Variants in HHIP observed in about 807,000 individuals in gnomAD.
The protein encoded by HHIP is hedgehog-interacting protein.
In HHIP, 12 loss-of-function variants were observed where a neutral mutation model predicts 74.0. That is an observed-to-expected ratio of 0.16 (90% CI 0.10 to 0.26). The LOEUF (loss-of-function observed/expected upper bound fraction) is 0.26. Among genes scored for constraint, HHIP ranks in the 10% least tolerant of loss-of-function variants. The probability of loss-of-function intolerance (pLI) is 1.00; values close to 1 mark genes in which losing one functional copy is unlikely to be tolerated. For missense variants in HHIP, 788 were observed against 845.0 expected (o/e 0.93, Z 0.84); for synonymous variants, 309 against 311.6 (o/e 0.99, Z 0.09).
intron 12 of HHIP, among the ~76,000 whole-genome samples, chr4:144,735,842 T>C (rs1423783939): frequency 6.6e-6 from 1 of 152,150 alleles, no homozygotes; most frequent in Non-Finnish European, 1.5e-5. Flanking sequence ...TAAAACCACA[T>C]ATAGAGGATA....
intron 10 of HHIP, among the ~76,000 whole-genome samples, chr4:144,715,930 T>C (rs1220599102): frequency 1.3e-5 from 2 of 152,200 alleles, no homozygotes; most frequent in African/African-American, 4.8e-5. Flanking sequence ...CAGATCTTCT[T>C]TCCAATAGAA....
At chr4:144,726,134 A>G (rs575335595) in intron 11 of HHIP, among the ~76,000 whole-genome samples, 15 of 152,330 alleles carry the variant, frequency 9.8e-5, no homozygotes, top group Middle Eastern at 6.8e-3. Flanking sequence ...AAGTATTTAA[A>G]TTAAAAACTT....
At chr4:144,656,419 C>T (rs1248277264) in intron 2 of HHIP, among the ~76,000 whole-genome samples, 4 of 152,080 alleles carry the variant, frequency 2.6e-5, no homozygotes, top group African/African-American at 4.8e-5. Flanking sequence ...TTAGATATTC[C>T]GTTTGAAAAT....
intron 8 of HHIP, 46 bp downstream of exon 8, chr4:144,712,117 T>C (rs1389563108): frequency 6.5e-7 from 1 of 1,549,136 alleles, no homozygotes; most frequent in South Asian, 1.1e-5. Context: ...TCAAGTTTTG[T>C]CTTAGTATAT....
At chr4:144,733,351 G>C (rs924052798) in intron 11 of HHIP, among the ~76,000 whole-genome samples, 1 of 152,166 alleles carries the variant, frequency 6.6e-6, no homozygotes, top group Non-Finnish European at 1.5e-5. Flanking sequence ...TTTCGACATA[G>C]AGTGGGACTT....
chr4:144,706,947 G>A, intron 5 of HHIP, 140 bp from the exon 6 acceptor site: 2 of 752,836 alleles, frequency 2.7e-6, no homozygotes, highest in South Asian at 3.8e-5. Context: ...AGCAATTTCT[G>A]TTAGCTCCAT....
chr4:144,707,935 A>C (rs1730191755), intron 6 of HHIP, among the ~76,000 whole-genome samples: 1 of 152,012 alleles, frequency 6.6e-6, no homozygotes, highest in African/African-American at 2.4e-5. Flanking sequence ...GTAGAGATGG[A>C]GTCTCGCTAT....
intron 7 of HHIP, among the ~76,000 whole-genome samples, chr4:144,711,139 G>A (rs749260013): frequency 3.2e-4 from 48 of 152,262 alleles, no homozygotes; most frequent in Admixed American, 2.2e-3. Context: ...CAGAGTCAAC[G>A]TAAAAGACCT....
intron 11 of HHIP, among the ~76,000 whole-genome samples, chr4:144,734,400 A>G (rs1731049445): frequency 6.6e-6 from 1 of 152,160 alleles, no homozygotes; most frequent in Non-Finnish European, 1.5e-5. Context: ...TAAGATATTT[A>G]TACTACTTTA....
At chr4:144,684,995 C>A (rs893083414) in intron 4 of HHIP, among the ~76,000 whole-genome samples, 9 of 152,206 alleles carry the variant, frequency 5.9e-5, no homozygotes, top group African/African-American at 2.4e-5. Context: ...ACCTTTTGCA[C>A]TATACAAGAT....
intron 11 of HHIP, among the ~76,000 whole-genome samples, chr4:144,725,944 TACAG>T (rs1259297227): frequency 2.0e-5 from 3 of 152,156 alleles, no homozygotes; most frequent in African/African-American, 7.2e-5. Context: ...GTGCTGGGAT[TACAG>T]ACATGAGCCA....
Position 144,659,693 on chromosome 4 carries a change from C to A in HHIP, c.686C>A (p.Pro229His). 1 of 1,575,734 alleles carries A rather than the reference C, an allele frequency of 6.3e-7. No homozygotes were observed. The highest frequency in any genetic ancestry group is 1.2e-5 in the South Asian group (1 of 83,888). ...GAGGTTGTGAGTGGGCTGCGGCAGC[C>A]CGTTGGTGCCCTGCATAGTGGGGAT... ...IQEVVSGLRQPVGALHSGDGS... is the reference protein window; with the variant it reads ...IQEVVSGLRQHVGALHSGDGS... The change falls in exon 4 of 13, where the codon CCC (proline) becomes CAC (histidine). Residue 229 changes from proline (P) to histidine (H), a missense_variant. Physicochemically the swap from Pro to His is moderately conservative, Grantham distance 77. Transcript: ENST00000296575.
intron 10 of HHIP, among the ~76,000 whole-genome samples, chr4:144,717,698 A>G (rs1402970802): frequency 6.6e-6 from 1 of 152,160 alleles, no homozygotes; most frequent in Non-Finnish European, 1.5e-5. Context: ...GCTAGCATCA[A>G]GAGTTAGAGT....
chr4:144,667,399 G>A (rs1728904236), intron 4 of HHIP, among the ~76,000 whole-genome samples: 1 of 152,078 alleles, frequency 6.6e-6, no homozygotes, highest in Non-Finnish European at 1.5e-5. Context: ...ATAACTTACG[G>A]GAAACTCATG....
intron 12 of HHIP, among the ~76,000 whole-genome samples, chr4:144,736,338 G>A (rs542740481): frequency 4.6e-5 from 7 of 152,096 alleles, no homozygotes; most frequent in South Asian, 4.2e-4. Context: ...TTTCCACCAC[G>A]TTGGCCAGGC....
Position 144,738,711 on chromosome 4 carries a change from T to C in HHIP, c.*754T>C. The C allele has an allele frequency of 1.3e-6, 1 of 798,596 alleles. No homozygotes were observed. The highest frequency in any genetic ancestry group is 5.7e-5 in the South Asian group (1 of 17,484). The allele number at this position is 798,596 out of a possible 1,614,324, so 49.5% of individuals were successfully genotyped here. ...ATTTATATATTTTATTTTATTTTTATAATATAGACATCACCTAGATGAAAC... is the reference window on the plus strand; with the variant it reads ...ATTTATATATTTTATTTTATTTTTACAATATAGACATCACCTAGATGAAAC... On this transcript the variant is annotated 3_prime_UTR_variant, in exon 13 of 13. Coordinates refer to ENST00000296575, the MANE Select transcript of HHIP (RefSeq NM_022475.3).
chr4:144,687,411 G>C (rs559811814), intron 4 of HHIP, among the ~76,000 whole-genome samples: 4 of 152,124 alleles, frequency 2.6e-5, no homozygotes, highest in Non-Finnish European at 4.4e-5. Flanking sequence ...CTTTGGTTTA[G>C]AGTATACATT....
intron 4 of HHIP, among the ~76,000 whole-genome samples, chr4:144,695,321 C>T (rs1260506210): frequency 1.3e-5 from 2 of 151,758 alleles, no homozygotes; most frequent in African/African-American, 4.8e-5. Flanking sequence ...TATGCATGCT[C>T]TCATACACTC....
rs199675746 is a variant in HHIP, at chr4:144,734,834, C to G, written c.1854C>G (p.Thr618=). 2.5e-6 allele frequency: 4 copies of G among 1,612,778 alleles called. No individual in the cohort carries two copies. Among genetic ancestry groups the G allele is most frequent in the Non-Finnish European group, 3.4e-6 (4 of 1,179,018 alleles). The change falls in exon 12 of 13, where the codon ACC becomes ACG. Residue 618 remains threonine (T), a synonymous_variant. Coordinates refer to ENST00000296575, the MANE Select transcript of HHIP (RefSeq NM_022475.3). ...CSRLCRNGYC[T]PTGKCCCSPG... ...GGCTCTGTCGAAACGGCTACTGCAC[C>G]CCCACGGGAAAGTGCTGCTGCAGTC...
Sources: gnomAD v4.1 joint callset for allele counts (sites outside exome capture counted in the v4.1 genomes callset) on GRCh38, gnomAD v4.1.1 for gene constraint, MANE v1.5 for transcripts, NCBI Gene and HGNC (gene_info 2026-07-23, HGNC 2026-07-21) for gene names.